Variants in DSCAM observed in about 807,000 individuals in gnomAD.
The protein encoded by DSCAM is cell adhesion molecule DSCAM.
A neutral mutation model predicts 217.7 loss-of-function variants in DSCAM; 47 were observed. The observed-to-expected ratio is 0.22, with a 90% CI of 0.17 to 0.28. The LOEUF is 0.28. Ranked by LOEUF, DSCAM falls within the 10% of genes least tolerant of loss-of-function variation. The pLI, the probability that DSCAM is intolerant of heterozygous loss-of-function variation, is 1.00. For synonymous variants in DSCAM, 1,056 were observed against 1,015.3 expected (o/e 1.04, Z -0.76); for missense variants, 2,080 against 2,618.3 (o/e 0.79, Z 4.49).
At chr21:40,499,860 A>G (rs1234108727) in intron 3 of DSCAM, among the ~76,000 whole-genome samples, 1 of 151,992 alleles carries the variant, frequency 6.6e-6, no homozygotes, top group East Asian at 1.9e-4. Flanking sequence ...GGCTCACTGC[A>G]ATCTTTGCCT....
intron 20 of DSCAM, among the ~76,000 whole-genome samples, chr21:40,114,563 G>A (rs1297499074): frequency 6.6e-6 from 1 of 152,082 alleles, no homozygotes; most frequent in Non-Finnish European, 1.5e-5. Context: ...ATTGACAAAT[G>A]GGATCTAATT....
chr21:40,241,321 G>A (rs989633501), intron 11 of DSCAM, among the ~76,000 whole-genome samples: 11 of 152,054 alleles, frequency 7.2e-5, no homozygotes, highest in Non-Finnish European at 1.2e-4. Flanking sequence ...TTAAAAATTG[G>A]GCAAAGGATA....
intron 11 of DSCAM, among the ~76,000 whole-genome samples, chr21:40,261,700 T>C (rs1455076475): frequency 6.6e-6 from 1 of 150,882 alleles, no homozygotes; most frequent in East Asian, 2.0e-4. Flanking sequence ...CTTATATAAG[T>C]ATATACATAT....
intron 32 of DSCAM, 87 bp downstream of exon 32, chr21:40,042,284 C>G: frequency 6.8e-7 from 1 of 1,466,286 alleles, no homozygotes; most frequent in Admixed American, 1.9e-5. Flanking sequence ...GGTCTGAACA[C>G]TGAGAAGGGC....
intron 3 of DSCAM, among the ~76,000 whole-genome samples, chr21:40,635,216 AAAG>A (rs2089741621): frequency 6.6e-6 from 1 of 152,180 alleles, no homozygotes; most frequent in Non-Finnish European, 1.5e-5. Context: ...AGGGGAAAAT[AAAG>A]AAGAGAAAGC....
chr21:40,144,492 A>G lies in DSCAM; in HGVS notation c.3258T>C (p.Asp1086=). 1.2e-6 allele frequency: 2 copies of G among 1,613,950 alleles called. No individual in the cohort carries two copies. Among genetic ancestry groups the G allele is most frequent in the Non-Finnish European group, 1.7e-6 (2 of 1,179,826 alleles). The change falls in exon 17 of 33, where the codon GAT becomes GAC. Residue 1086 remains aspartate, a splice_region_variant and synonymous_variant. Coordinates refer to ENST00000400454, the MANE Select transcript of DSCAM (RefSeq NM_001389.5). This position sits in a 1 kb window ranked among gnomAD's most constrained non-coding sequence, Gnocchi z 4.8. The part of the protein sequence containing the change: ...SQEIITTTLE[D]VPSYPPENVQ... Reference sequence around the variant, plus strand: ...CGACCAGGCCCCGGCCGAACCTACCATCCTCGAGAGTGGTGGTGATGATTT... The same window carrying G: ...CGACCAGGCCCCGGCCGAACCTACCGTCCTCGAGAGTGGTGGTGATGATTT...
chr21:40,543,333 T>C (rs7278073), intron 3 of DSCAM, among the ~76,000 whole-genome samples: 1 of 152,066 alleles, frequency 6.6e-6, no homozygotes, highest in Non-Finnish European at 1.5e-5. Flanking sequence ...CAAGAAATGT[T>C]ATGATGGCCA....
chr21:40,783,456 T>A (rs1405345094), intron 1 of DSCAM, among the ~76,000 whole-genome samples: 3 of 152,206 alleles, frequency 2.0e-5, no homozygotes, highest in Non-Finnish European at 4.4e-5. Context: ...TGCGTGTGTG[T>A]GTGTGCATGC....
At chr21:40,271,604 A>G (rs961845999) in intron 11 of DSCAM, among the ~76,000 whole-genome samples, 2 of 152,182 alleles carry the variant, frequency 1.3e-5, no homozygotes, top group African/African-American at 4.8e-5. Flanking sequence ...TCGTTTAGCC[A>G]AAGAGAAAAG....
At chr21:40,661,168 G>A (rs979416511) in intron 3 of DSCAM, among the ~76,000 whole-genome samples, 1 of 152,126 alleles carries the variant, frequency 6.6e-6, no homozygotes, top group Non-Finnish European at 1.5e-5. Flanking sequence ...TAGCATGCAC[G>A]ATATCATTTA....
At chr21:40,344,414 T>C (rs957548443) in intron 6 of DSCAM, among the ~76,000 whole-genome samples, 2 of 152,236 alleles carry the variant, frequency 1.3e-5, no homozygotes, top group African/African-American at 4.8e-5. Flanking sequence ...ACTTCATTTA[T>C]CATTTATTAA....
chr21:40,598,497 GTTTTTTTTTTTT>G (rs71186947), intron 3 of DSCAM, among the ~76,000 whole-genome samples: 6 of 66,818 alleles, frequency 9.0e-5, no homozygotes, highest in African/African-American at 2.5e-4. Context: ...CTGCCAAACT[GTTTTTTTTTTTT>G]TTTTTTTTTT....
At chr21:40,799,808 C>T (rs2091723340) in intron 1 of DSCAM, among the ~76,000 whole-genome samples, 1 of 152,152 alleles carries the variant, frequency 6.6e-6, no homozygotes, top group African/African-American at 2.4e-5. Context: ...CCAAAATAAT[C>T]TTCTAATCTC....
intron 3 of DSCAM, among the ~76,000 whole-genome samples, chr21:40,457,528 T>C (rs894971806): frequency 4.5e-4 from 57 of 126,966 alleles, no homozygotes; most frequent in African/African-American, 1.5e-3. Context: ...AATAATAAAA[T>C]AAAACAAACA....
At chr21:40,049,002 T>C (rs115531081) in intron 30 of DSCAM, among the ~76,000 whole-genome samples, 2 of 152,296 alleles carry the variant, frequency 1.3e-5, no homozygotes, top group African/African-American at 2.4e-5. Context: ...CTTTTACTAA[T>C]ACAGAGGGTT....
intron 14 of DSCAM, among the ~76,000 whole-genome samples, chr21:40,182,622 C>CACCAGAGAAACCGTGGACAGGAGGGGGCT (rs2090826333): frequency 9.9e-6 from 1 of 100,996 alleles, no homozygotes; most frequent in African/African-American, 4.6e-5. Flanking sequence ...CAGAACGGGC[C>CACCAGAGAAACCGTGGACAGGAGGGGGCT]ACCAGAGAAA....
chr21:40,250,670 T>A lies in DSCAM; in HGVS notation c.2356+25427A>T, dbSNP rs8134162. On this transcript the variant is annotated intron_variant, in intron 11 of 32. Transcript: ENST00000400454. ...CTCACATTAAGACACTTTCCTGAAGTGGCAGCGACAGCTCAGTGAGGGCTG... is the reference window on the plus strand; with the variant it reads ...CTCACATTAAGACACTTTCCTGAAGAGGCAGCGACAGCTCAGTGAGGGCTG... 4.5e-4 allele frequency among the ~76,000 whole-genome samples: 69 copies of A among 152,114 alleles called. 1 individual carries two copies. The highest frequency in any genetic ancestry group is 5.2e-4 in the Admixed American group (8 of 15,286).
chr21:40,013,329 C>A lies in DSCAM; in HGVS notation c.5744G>T (p.Gly1915Val). The part of the protein sequence containing the change: ...LRMDFLLNRG[G>V]PGTSRDLSLG... ...GCTCAGGTCCCTGCTGGTGCCTGGACCACCTCGGTTTAACAAAAAGTCCAT... is the reference window on the plus strand; with the variant it reads ...GCTCAGGTCCCTGCTGGTGCCTGGAACACCTCGGTTTAACAAAAAGTCCAT... Residue 1915 changes from glycine (G) to valine (V), a missense_variant, in exon 33 of 33, where the codon GGT (glycine) becomes GTT (valine). This residue lies in a region of DSCAM where 145 missense variants were observed against 138.5 expected (regional missense o/e 1.05). Transcript: ENST00000400454. 1 of 1,606,998 alleles carries A rather than the reference C, an allele frequency of 6.2e-7. No individual in the cohort carries two copies. Among genetic ancestry groups the A allele is most frequent in the East Asian group, 2.2e-5 (1 of 44,692 alleles).
chr21:40,246,354 TAAAAAAAAAAAAAAA>T (rs34308158), intron 11 of DSCAM, among the ~76,000 whole-genome samples: 337 of 13,960 alleles, frequency 0.024, 6 homozygotes, highest in Non-Finnish European at 0.031. Context: ...CAGTCCGTAC[TAAAAAAAAAAAAAAA>T]AAAAAAAAAA....
Sources: gnomAD v4.1 joint callset for allele counts (sites outside exome capture counted in the v4.1 genomes callset) on GRCh38, gnomAD v4.1.1 for gene constraint, gnomAD v4.1.1 regional missense constraint, Gnocchi (gnomAD v3.1) non-coding constraint, MANE v1.5 for transcripts, NCBI Gene and HGNC (gene_info 2026-07-23, HGNC 2026-07-21) for gene names.